The following AFF3 variants were observed in gnomAD, a reference collection of about 807,000 sequenced individuals.
AFF3 encodes AF4/FMR2 family member 3.
In AFF3, 32 loss-of-function variants were observed where a neutral mutation model predicts 129.7. That is an observed-to-expected ratio of 0.25 (90% CI 0.19 to 0.33). The LOEUF is 0.33. Among genes scored for constraint, AFF3 ranks in the 10% least tolerant of loss-of-function variants. AFF3 has a pLI of 1.00. For missense variants in AFF3, 1,373 were observed against 1,592.0 expected, an observed-to-expected ratio of 0.86 and a Z score of 2.34; for synonymous variants, 644 against 635.4, an observed-to-expected ratio of 1.01 and a Z score of -0.20.
intron 7 of AFF3, among the ~76,000 whole-genome samples, chr2:99,928,401 C>G (rs939386926): frequency 6.6e-6 from 1 of 152,132 alleles, no homozygotes; most frequent in Non-Finnish European, 1.5e-5. Flanking sequence ...GAACTTGTTC[C>G]TTGAATACAA....
In AFF3 at chr2:99,614,899, G is replaced by A. The variant is rs533329640; in HGVS notation, c.1185-13278C>T. Among the ~76,000 whole-genome samples the A allele has an allele frequency of 5.3e-4, 81 of 152,250 alleles. 1 individual carries two copies. The Middle Eastern group carries it at 0.01, about 19-fold the overall frequency. ...TACTTTCAGTTGAATAAAGACCCAC[G>A]TGTGGCCCCACCAAAGATAAAGGCA... On this transcript the variant is annotated intron_variant, in intron 13 of 24. Coordinates refer to ENST00000672756, the MANE Select transcript of AFF3 (RefSeq NM_001386135.1).
intron 4 of AFF3, among the ~76,000 whole-genome samples, chr2:100,035,555 T>C (rs893267580): frequency 1.3e-5 from 2 of 152,308 alleles, no homozygotes; most frequent in Admixed American, 6.5e-5. Flanking sequence ...CCACAAAGTA[T>C]GGTGTAGCAG....
chr2:99,587,015 G>T (rs1678188105), intron 16 of AFF3, 139 bp downstream of exon 16: 2 of 1,092,976 alleles, frequency 1.8e-6, no homozygotes, highest in Non-Finnish European at 2.7e-6. Context: ...AATAAGATTT[G>T]GGTTAAAGGA....
Position 100,024,432 on chromosome 2 carries a change from G to A in AFF3, c.54-15500C>T, listed in dbSNP as rs544839718. ...AGCCTGACCAACATGGAGAAACCCCGTCTCTACTAACAAAAAAAATACAAA... is the reference window on the plus strand; with the variant it reads ...AGCCTGACCAACATGGAGAAACCCCATCTCTACTAACAAAAAAAATACAAA... On this transcript the variant is annotated intron_variant, in intron 4 of 24. Coordinates refer to ENST00000672756, the MANE Select transcript of AFF3 (RefSeq NM_001386135.1). Among the ~76,000 whole-genome samples the A allele has an allele frequency of 5.4e-5, 8 of 147,838 alleles. No individual in the cohort carries two copies. The East Asian group carries it at 6.2e-4, about 11-fold the overall frequency.
intron 7 of AFF3, among the ~76,000 whole-genome samples, chr2:99,926,066 T>A (rs988988203): frequency 6.6e-6 from 1 of 152,228 alleles, no homozygotes; most frequent in Admixed American, 6.5e-5. Context: ...GAGCCCCAAT[T>A]CAACTATTCA....
chr2:99,740,468 G>C lies in AFF3; in HGVS notation c.1039+3636C>G, dbSNP rs201299276. 2.2e-3 allele frequency among the ~76,000 whole-genome samples: 322 copies of C among 144,940 alleles called. 1 individual carries two copies. In the East Asian group the frequency reaches 0.044, roughly 20 times the overall value. ...TTCCTATTTCTCCACATCCTCTCCA[G>C]CACCTGTTGTTTCCTGACTTTTTAA... On this transcript the variant is annotated intron_variant, in intron 10 of 24. Transcript: ENST00000672756.
intron 1 of AFF3, among the ~76,000 whole-genome samples, chr2:100,130,827 G>A (rs1333716541): frequency 6.6e-6 from 1 of 151,996 alleles, no homozygotes; most frequent in African/African-American, 2.4e-5. Context: ...AGTACCACAG[G>A]CTTCTCAGCT....
intron 7 of AFF3, among the ~76,000 whole-genome samples, chr2:99,996,297 T>C (rs1680821842): frequency 6.6e-6 from 1 of 152,166 alleles, no homozygotes; most frequent in Admixed American, 6.5e-5. Context: ...ATCAGAAAGA[T>C]GAAGTACAGA....
At chr2:100,032,822 C>T (rs1307786565) in intron 4 of AFF3, among the ~76,000 whole-genome samples, 1 of 152,056 alleles carries the variant, frequency 6.6e-6, no homozygotes, top group Non-Finnish European at 1.5e-5. Flanking sequence ...GTCTTAATTA[C>T]TATAAATTTA....
At chr2:99,936,978 A>G (rs1279446398) in intron 7 of AFF3, among the ~76,000 whole-genome samples, 5 of 152,234 alleles carry the variant, frequency 3.3e-5, no homozygotes, top group African/African-American at 9.6e-5. Context: ...AAAAGCCCAG[A>G]ATATAACATT....
Position 100,034,725 on chromosome 2 carries a change from GC to G in AFF3, c.54-25794del, listed in dbSNP as rs530776124. On this transcript the variant is annotated intron_variant, in intron 4 of 24. Transcript: ENST00000672756. The stretch of plus-strand genomic sequence containing the variant: ...TTTTGATCTAGTGCCTATAAAAAGA[GC>G]CCCAGAAAGGTCTACATGGAATACC... 1.2e-3 allele frequency among the ~76,000 whole-genome samples: 184 copies of G among 152,092 alleles called. 1 individual carries two copies. Among genetic ancestry groups the G allele is most frequent in the African/African-American group, 4.3e-3 (180 of 41,502 alleles).
At chr2:100,083,441 A>G (rs1689174325) in intron 4 of AFF3, among the ~76,000 whole-genome samples, 1 of 152,212 alleles carries the variant, frequency 6.6e-6, no homozygotes. Context: ...CAGGCAGTCA[A>G]GAAGGGACTC....
At chr2:99,960,272 T>C (rs1204340328) in intron 7 of AFF3, among the ~76,000 whole-genome samples, 1 of 152,124 alleles carries the variant, frequency 6.6e-6, no homozygotes, top group African/African-American at 2.4e-5. Flanking sequence ...CCCCCAGAAC[T>C]CATCTTTAAA....
chr2:100,031,392 C>T (rs1684477003), intron 4 of AFF3, among the ~76,000 whole-genome samples: 1 of 152,122 alleles, frequency 6.6e-6, no homozygotes, highest in South Asian at 2.1e-4. Flanking sequence ...AACTCAGTAG[C>T]ATATGTATTA....
intron 8 of AFF3, among the ~76,000 whole-genome samples, chr2:99,767,832 C>G (rs1683150520): frequency 6.6e-6 from 1 of 152,184 alleles, no homozygotes; most frequent in African/African-American, 2.4e-5. Context: ...GTAGTCCCAG[C>G]TACTCAGGAG....
intron 8 of AFF3, among the ~76,000 whole-genome samples, chr2:99,783,681 CTG>C (rs773972833): frequency 2.0e-5 from 3 of 152,214 alleles, no homozygotes; most frequent in Non-Finnish European, 4.4e-5. Flanking sequence ...GAATCCAGAG[CTG>C]TCTTTCTAAA....
chr2:99,771,453 A>G (rs992020376), intron 8 of AFF3, among the ~76,000 whole-genome samples: 1 of 151,988 alleles, frequency 6.6e-6, no homozygotes, highest in African/African-American at 2.4e-5. Flanking sequence ...ACTCAACAGC[A>G]TGCCAGGGAA....
chr2:99,974,336 C>A (rs544872758), intron 7 of AFF3, among the ~76,000 whole-genome samples: 2 of 152,304 alleles, frequency 1.3e-5, no homozygotes, highest in South Asian at 4.1e-4. Flanking sequence ...TGACTTCCTA[C>A]AATGGATTGA....
At chr2:99,868,001 C>T (rs1033855616) in intron 7 of AFF3, among the ~76,000 whole-genome samples, 26 of 148,582 alleles carry the variant, frequency 1.7e-4, no homozygotes, top group Admixed American at 2.0e-4. Context: ...TTAACACCCA[C>T]GACTCTCTTT....
Sources: gnomAD v4.1 joint callset for allele counts (sites outside exome capture counted in the v4.1 genomes callset) on GRCh38, gnomAD v4.1.1 for gene constraint, MANE v1.5 for transcripts, NCBI Gene and HGNC (gene_info 2026-07-23, HGNC 2026-07-21) for gene names.